TIAM1: variants seen among roughly 807,000 people sequenced by gnomAD.
TIAM1 encodes rho guanine nucleotide exchange factor TIAM1.
TIAM1 carries 65 observed loss-of-function variants against 163.5 expected under a neutral mutation model. That is an observed-to-expected ratio of 0.40 (90% confidence interval 0.33 to 0.49). The LOEUF is 0.49. Among genes scored for constraint, TIAM1 ranks in the 20% least tolerant of loss-of-function variants. TIAM1 has a pLI of 0.77. For synonymous variants in TIAM1, 833 were observed against 810.1 expected, an observed-to-expected ratio of 1.03 and a Z score of -0.48; for missense variants, 1,789 against 2,044.7, an observed-to-expected ratio of 0.87 and a Z score of 2.41.
In TIAM1 at chr21:31,251,885, G is replaced by A; in HGVS notation, c.1268C>T (p.Ser423Leu). Residue 423 changes from serine (S) to leucine (L), a missense_variant, in exon 5 of 28, where the codon TCG becomes TTG. Physicochemically the swap from Ser to Leu is moderately radical, Grantham distance 145. Coordinates refer to ENST00000541036, the MANE Select transcript of TIAM1 (RefSeq NM_001353694.2). ...CTGTGCGGCGGTCAGCAGGATGTCC[G>A]ACTGGCCCGGAGAGCTCAGGGTGCC... Reference protein sequence around the residue: ...SSGTLSSPGQSDILLTAAQGT... With the variant: ...SSGTLSSPGQLDILLTAAQGT... 1.9e-6 allele frequency: 3 copies of A among 1,613,816 alleles called. No homozygotes were observed. Among genetic ancestry groups the A allele is most frequent in the Non-Finnish European group, 1.7e-6 (2 of 1,179,922 alleles).
chr21:31,240,687 G>A lies in TIAM1; in HGVS notation c.1584+4801C>T, dbSNP rs529795456. Among the ~76,000 whole-genome samples, 6 of 152,314 alleles carry A rather than the reference G, an allele frequency of 3.9e-5. No homozygotes were observed. The South Asian group carries it at 1.2e-3, about 32-fold the overall frequency. On this transcript the variant is annotated intron_variant, in intron 6 of 27. Transcript: ENST00000541036. ...ATGCAAACACTCTTCACTCCAGGGG[G>A]TGCTTGTGAAAAACAATTAATGACA... is the stretch of plus-strand genomic sequence containing the variant.
chr21:31,124,573 C>A lies in TIAM1; in HGVS notation c.4255G>T (p.Gly1419Cys). Residue 1419 changes from glycine (G) to cysteine (C), a missense_variant, in exon 27 of 28, where the codon GGC becomes TGC. Physicochemically the swap from Gly to Cys is radical, Grantham distance 159 (BLOSUM62 -3). Around this residue, in one of 5 missense-constraint regions of TIAM1, gnomAD observed 415 missense variants for 439.2 expected, o/e 0.94. Transcript: ENST00000541036. Reference protein sequence around the residue: ...PSSQQYVPFGGKRLCALKGAR... With the variant: ...PSSQQYVPFGCKRLCALKGAR... ...CCCTTCAGTGCACACAATCTTTTGCCTCCAAAAGGGACATATTGCTGGGAT... is the reference window on the plus strand; with the variant it reads ...CCCTTCAGTGCACACAATCTTTTGCATCCAAAAGGGACATATTGCTGGGAT... 6.2e-7 allele frequency: 1 copy of A among 1,613,876 alleles called. No individual in the cohort carries two copies. Among genetic ancestry groups the A allele is most frequent in the Non-Finnish European group, 8.5e-7 (1 of 1,179,960 alleles).
rs1395968795 is a variant in TIAM1 at position 31,394,726 on chromosome 21, T to A, written c.-368-55304A>T. Among the ~76,000 whole-genome samples, 286 of 81,556 alleles carry A rather than the reference T, an allele frequency of 3.5e-3. 1 individual carries two copies. The highest frequency in any genetic ancestry group is 0.012 in the African/African-American group (245 of 20,706). 53.5% of individuals were successfully genotyped at this position (81,556 alleles called of 152,430 possible). A position where few individuals can be genotyped will look rare whatever the true frequency, so the allele number is the denominator to read the frequency against. ...CTCTCTCGCTCTCTCTCTCTCTCTCTCTCACACACACACACACACACACAC... is the reference window on the plus strand; with the variant it reads ...CTCTCTCGCTCTCTCTCTCTCTCTCACTCACACACACACACACACACACAC... On this transcript the variant is annotated intron_variant, in intron 2 of 28. Transcript: ENST00000286827.
chr21:31,412,941 C>A lies in TIAM1; in HGVS notation c.-369+51042G>T, dbSNP rs906626932. Among the ~76,000 whole-genome samples the A allele has an allele frequency of 5.3e-5, 8 of 152,260 alleles. No homozygotes were observed. The East Asian group carries it at 1.5e-3, about 29-fold the overall frequency. On this transcript the variant is annotated intron_variant, in intron 2 of 28. Transcript: ENST00000286827. ...ATGCTCACTCACAGGCCGCATACCT[C>A]CTGCTGCGTGGCCTGGTTCCTAACA...
At chr21:31,167,327 C>T (rs955225071) in intron 15 of TIAM1, among the ~76,000 whole-genome samples, 7 of 151,990 alleles carry the variant, frequency 4.6e-5, no homozygotes, top group African/African-American at 1.7e-4. Context: ...CCTGAATGCG[C>T]CCACCTCGGC....
At chr21:31,549,914 A>C (rs1400912805) in intron 1 of TIAM1, among the ~76,000 whole-genome samples, 1 of 152,224 alleles carries the variant, frequency 6.6e-6, no homozygotes, top group Admixed American at 6.5e-5. Context: ...GCCTGAGGTC[A>C]GGAGTTCGAG....
chr21:31,326,726 C>T (rs1422085170), intron 2 of TIAM1, among the ~76,000 whole-genome samples: 1 of 152,184 alleles, frequency 6.6e-6, no homozygotes, highest in Non-Finnish European at 1.5e-5. Context: ...CAGGGGCAAT[C>T]CCCCTAAGTT....
At chr21:31,448,390 A>T (rs2044705545) in intron 2 of TIAM1, among the ~76,000 whole-genome samples, 1 of 152,174 alleles carries the variant, frequency 6.6e-6, no homozygotes, top group Admixed American at 6.6e-5. Context: ...GGATCACCTG[A>T]GGCCAGGAGT....
At chr21:31,391,307 T>C (rs1334087192) in intron 2 of TIAM1, among the ~76,000 whole-genome samples, 1 of 152,062 alleles carries the variant, frequency 6.6e-6, no homozygotes, top group Non-Finnish European at 1.5e-5. Context: ...CAATTGTAAC[T>C]CTGAATCCAG....
chr21:31,322,259 T>C (rs930837020), intron 2 of TIAM1, among the ~76,000 whole-genome samples: 1 of 152,174 alleles, frequency 6.6e-6, no homozygotes, highest in Non-Finnish European at 1.5e-5. Context: ...GTCCAGCTTC[T>C]CCCAAGTCTC....
chr21:31,482,371 C>T (rs1470282212), intron 1 of TIAM1, among the ~76,000 whole-genome samples: 3 of 152,006 alleles, frequency 2.0e-5, no homozygotes, highest in South Asian at 4.1e-4. Flanking sequence ...AGGCTGGTCT[C>T]GAACTCCTGA....
At chr21:31,529,025 C>T (rs2047885044) in intron 1 of TIAM1, among the ~76,000 whole-genome samples, 1 of 150,384 alleles carries the variant, frequency 6.6e-6, no homozygotes, top group Non-Finnish European at 1.5e-5. Context: ...GGGTTCACGC[C>T]ATTCTCCCAC....
chr21:31,291,074 G>A (rs549179936), intron 2 of TIAM1, among the ~76,000 whole-genome samples: 29 of 152,152 alleles, frequency 1.9e-4, no homozygotes, highest in Non-Finnish European at 3.7e-4. Flanking sequence ...AGACAGAAGG[G>A]CTCATCTCCA....
At chr21:31,527,365 C>T (rs1321036913) in intron 1 of TIAM1, among the ~76,000 whole-genome samples, 1 of 152,060 alleles carries the variant, frequency 6.6e-6, no homozygotes, top group Non-Finnish European at 1.5e-5. Flanking sequence ...CACAAAAAGA[C>T]CACATTTAGG....
At chr21:31,340,183 T>C (rs1265472182) in intron 1 of TIAM1, among the ~76,000 whole-genome samples, 2 of 151,334 alleles carry the variant, frequency 1.3e-5, no homozygotes, top group Non-Finnish European at 1.5e-5. Flanking sequence ...CTTGCAATAC[T>C]AGATGCATAA....
At chr21:31,241,471 T>C (rs1377989879) in intron 6 of TIAM1, among the ~76,000 whole-genome samples, 1 of 152,164 alleles carries the variant, frequency 6.6e-6, no homozygotes, top group Non-Finnish European at 1.5e-5. Flanking sequence ...CTCTAATAAT[T>C]AGCTGACTAC....
At chr21:31,415,870 G>T (rs369831272) in intron 2 of TIAM1, among the ~76,000 whole-genome samples, 78 of 151,970 alleles carry the variant, frequency 5.1e-4, no homozygotes, top group African/African-American at 1.8e-3. Context: ...TCTCTGTCTC[G>T]GCCACCTCCC....
chr21:31,393,116 C>A (rs1371252483), intron 2 of TIAM1, among the ~76,000 whole-genome samples: 1 of 152,002 alleles, frequency 6.6e-6, no homozygotes, highest in South Asian at 2.1e-4. Flanking sequence ...CCACCATGTC[C>A]GGCTAATTTT....
intron 2 of TIAM1, among the ~76,000 whole-genome samples, chr21:31,399,791 C>T (rs966514997): frequency 6.6e-6 from 1 of 152,160 alleles, no homozygotes; most frequent in Non-Finnish European, 1.5e-5. Context: ...AATAGACATG[C>T]CTTTCCCTGG....
Sources: allele counts gnomAD v4.1 joint callset (sites outside exome capture counted in the v4.1 genomes callset), GRCh38; gene constraint gnomAD v4.1.1; regional missense constraint gnomAD v4.1.1; transcripts MANE v1.5; gene names NCBI Gene and HGNC (gene_info 2026-07-23, HGNC 2026-07-21).